TMEM87B: variants seen among roughly 807,000 people sequenced by gnomAD.
TMEM87B encodes the protein transmembrane protein 87B.
Under a neutral mutation model 80.3 loss-of-function variants are expected in TMEM87B, and 83 were observed. That is an observed-to-expected ratio of 1.03 (90% CI 0.87 to 1.24). The LOEUF is 1.24. Ranked by LOEUF, TMEM87B falls within the 50% of genes most tolerant of loss-of-function variation. The pLI is 0.00. For synonymous variants in TMEM87B, 219 were observed against 230.5 expected, an observed-to-expected ratio of 0.95 and a Z score of 0.45; for missense variants, 625 against 674.4, an observed-to-expected ratio of 0.93 and a Z score of 0.81.
At chr2:112,088,771 T>G (rs1271763028) in intron 9 of TMEM87B, among the ~76,000 whole-genome samples, 2 of 152,208 alleles carry the variant, frequency 1.3e-5, no homozygotes, top group East Asian at 1.9e-4. Context: ...TTGTTTTTGT[T>G]TTTTTGGAGA....
rs551505934 is a variant in TMEM87B at position 112,088,194 on chromosome 2, T to G, written c.939-1431T>G. Among the ~76,000 whole-genome samples, 12 of 152,374 alleles carry G rather than the reference T, an allele frequency of 7.9e-5. No individual in the cohort carries two copies. In the South Asian group the frequency reaches 2.5e-3, roughly 32 times the overall value. On this transcript the variant is annotated intron_variant, in intron 9 of 18. Coordinates refer to ENST00000283206, the MANE Select transcript of TMEM87B (RefSeq NM_032824.3). ...TGGAGATTCTTTCTCAAATGCCTTT[T>G]GTGTTCTTAGTACAGTGTAGGAAAT...
intron 16 of TMEM87B, among the ~76,000 whole-genome samples, chr2:112,106,968 CAGAT>C (rs1235956637): frequency 1.3e-5 from 2 of 152,172 alleles, no homozygotes; most frequent in Non-Finnish European, 2.9e-5. Flanking sequence ...CAGACATAGA[CAGAT>C]AGCTATCTCA....
chr2:112,105,390 A>G (rs538249387), intron 15 of TMEM87B, among the ~76,000 whole-genome samples: 13 of 152,318 alleles, frequency 8.5e-5, no homozygotes, highest in African/African-American at 3.1e-4. Flanking sequence ...AACTTGTTCA[A>G]TGGTCACTAG....
chr2:112,077,407 C>T, intron 6 of TMEM87B, 125 bp downstream of exon 6: 1 of 448,170 alleles, frequency 2.2e-6, no homozygotes, highest in Non-Finnish European at 4.0e-6. Flanking sequence ...GTTAATCATA[C>T]ATTTATTTTA....
At chr2:112,056,841 T>C (rs894099989) in intron 1 of TMEM87B, among the ~76,000 whole-genome samples, 2 of 152,218 alleles carry the variant, frequency 1.3e-5, no homozygotes, top group Non-Finnish European at 2.9e-5. Flanking sequence ...GTGCCAGTTA[T>C]AGTCTGCACA....
chr2:112,080,440 T>C (rs1478983068), intron 6 of TMEM87B, among the ~76,000 whole-genome samples: 1 of 151,208 alleles, frequency 6.6e-6, no homozygotes, highest in Non-Finnish European at 1.5e-5. Context: ...TTTGTATTTT[T>C]AGTAGAGACG....
chr2:112,109,664 CTTTTTTT>C lies in TMEM87B; in HGVS notation c.1577+1840_1577+1846del, dbSNP rs561752709. 7.0e-3 allele frequency among the ~76,000 whole-genome samples: 325 copies of C among 46,344 alleles called. 1 individual carries two copies. The highest frequency in any genetic ancestry group is 0.026 in the African/African-American group (304 of 11,858). 30.4% of individuals were successfully genotyped at this position (46,344 alleles called of 152,430 possible). On this transcript the variant is annotated intron_variant, in intron 17 of 18. Transcript: ENST00000283206. Reference sequence around the variant, plus strand: ...TGTTTATGATATGCCTAAGTATGGTCTTTTTTTTTTTTTTTTTTTTTTGTCTATCCTC... The same window carrying C: ...TGTTTATGATATGCCTAAGTATGGTCTTTTTTTTTTTTTTTGTCTATCCTC...
chr2:112,073,262 A>ATTGT (rs1678712455), intron 4 of TMEM87B, among the ~76,000 whole-genome samples: 1 of 152,006 alleles, frequency 6.6e-6, no homozygotes, highest in African/African-American at 2.4e-5. Context: ...TTCCCTCTTA[A>ATTGT]TATTGCCTTA....
intron 9 of TMEM87B, 41 bp from the exon 10 acceptor site, chr2:112,089,584 A>G (rs890538797): frequency 1.9e-6 from 3 of 1,591,020 alleles, no homozygotes; most frequent in Non-Finnish European, 8.6e-7. Flanking sequence ...TTACTCACCC[A>G]TGCTTTTTCT....
intron 1 of TMEM87B, 74 bp downstream of exon 1, chr2:112,055,830 C>T (rs1239973469): frequency 2.8e-6 from 4 of 1,422,078 alleles, no homozygotes; most frequent in South Asian, 1.6e-5. Flanking sequence ...CGCTTGACCC[C>T]GGGCTTGTTC....
chr2:112,088,103 G>A (rs1042264183), intron 9 of TMEM87B, among the ~76,000 whole-genome samples: 1 of 152,236 alleles, frequency 6.6e-6, no homozygotes, highest in African/African-American at 2.4e-5. Flanking sequence ...CCGTTTGCTT[G>A]TGAGCTGGGG....
chr2:112,055,340 T>C lies in TMEM87B; in HGVS notation c.-252T>C, dbSNP rs1678005795. 4.0e-6 allele frequency: 2 copies of C among 503,012 alleles called. No individual in the cohort carries two copies. The highest frequency in any genetic ancestry group is 2.0e-5 in the African/African-American group (1 of 48,904). 31.2% of individuals were successfully genotyped at this position (503,012 alleles called of 1,614,324 possible). Reference sequence around the variant, plus strand: ...CGCCAACTCCACATCCTGGCTCCTATCTCTGCCTTCCAGGCATCTCCCAGC... The same window carrying C: ...CGCCAACTCCACATCCTGGCTCCTACCTCTGCCTTCCAGGCATCTCCCAGC... On this transcript the variant is annotated 5_prime_UTR_variant, in exon 1 of 19. Coordinates refer to ENST00000283206, the MANE Select transcript of TMEM87B (RefSeq NM_032824.3).
chr2:112,116,020 T>G lies in TMEM87B; in HGVS notation c.1609-64T>G, dbSNP rs557712135. The G allele has an allele frequency of 5.1e-6, 7 of 1,371,596 alleles. No individual in the cohort carries two copies. The South Asian group carries it at 7.4e-5, about 15-fold the overall frequency. The allele number at this position is 1,371,596 out of a possible 1,614,324, so 85.0% of individuals were successfully genotyped here. On this transcript the variant is annotated intron_variant, in intron 18 of 18. Transcript: ENST00000283206. ...ATGTGGCTGTTGAAAGATTAGAAAA[T>G]TTTTGTTAGGGTTCTGGAAGTAGTA...
In TMEM87B at chr2:112,097,172, T is replaced by C. The variant is rs1679494825; in HGVS notation, c.1213+20T>C. 7 of 1,592,600 alleles carry C rather than the reference T, an allele frequency of 4.4e-6. No homozygotes were observed. The highest frequency in any genetic ancestry group is 5.1e-6 in the Non-Finnish European group (6 of 1,171,790). Reference sequence around the variant, plus strand: ...TGCTGGGTAAGCTATTTAATTTTTCTTACAGTAAATTATCTTAGTATTGTT... The same window carrying C: ...TGCTGGGTAAGCTATTTAATTTTTCCTACAGTAAATTATCTTAGTATTGTT... On this transcript the variant is annotated intron_variant, in intron 12 of 18. Transcript: ENST00000283206.
intron 17 of TMEM87B, among the ~76,000 whole-genome samples, chr2:112,109,759 C>CT (rs35553826): frequency 0.17 from 14,696 of 84,920 alleles, 2,399 homozygotes; most frequent in East Asian, 0.66. Flanking sequence ...CCTTCAGCTA[C>CT]TTTTTTTTTT....
chr2:112,094,185 C>T (rs1214188282), intron 11 of TMEM87B, among the ~76,000 whole-genome samples: 106 of 138,398 alleles, frequency 7.7e-4, no homozygotes, highest in Non-Finnish European at 2.6e-4. Context: ...TTTTTTAAGA[C>T]GGAGTCTCGC....
intron 16 of TMEM87B, among the ~76,000 whole-genome samples, chr2:112,106,758 TA>T (rs1414423433): frequency 1.3e-5 from 2 of 152,238 alleles, no homozygotes; most frequent in East Asian, 3.8e-4. Flanking sequence ...TAATACTATG[TA>T]AAAATTTATG....
intron 4 of TMEM87B, among the ~76,000 whole-genome samples, chr2:112,067,429 T>G (rs113510473): frequency 8.0e-4 from 121 of 152,074 alleles, no homozygotes; most frequent in African/African-American, 2.6e-3. Flanking sequence ...TGAAACCCCA[T>G]CTCTACTAAA....
At chr2:112,091,573 C>T in intron 10 of TMEM87B, 139 bp from the exon 11 acceptor site, 2 of 646,038 alleles carry the variant, frequency 3.1e-6, no homozygotes, top group Non-Finnish European at 5.3e-6. Flanking sequence ...TAAACACAAT[C>T]CTCTTAGGAA....
Sources: allele counts gnomAD v4.1 joint callset (sites outside exome capture counted in the v4.1 genomes callset), GRCh38; gene constraint gnomAD v4.1.1; transcripts MANE v1.5; gene names NCBI Gene and HGNC (gene_info 2026-07-23, HGNC 2026-07-21).